PDE5A: variants seen among roughly 807,000 people sequenced by gnomAD.
The protein encoded by PDE5A is cGMP-specific 3',5'-cyclic phosphodiesterase.
In PDE5A, 67 loss-of-function variants were observed where a neutral mutation model predicts 110.2. The ratio of observed to expected loss-of-function variants is 0.61; its 90% CI spans 0.50 to 0.75. The LOEUF (loss-of-function observed/expected upper bound fraction) is 0.75, where lower values mean the gene tolerates loss of function less well. Ranked by LOEUF, PDE5A falls within the 30% of genes least tolerant of loss-of-function variation. PDE5A has a pLI of 0.00. For missense variants in PDE5A, 862 were observed against 1,045.1 expected (o/e 0.82, Z 2.42); for synonymous variants, 328 against 351.2 (o/e 0.93, Z 0.74).
intron 13 of PDE5A, 142 bp from the exon 14 acceptor site, chr4:119,519,281 A>G: frequency 1.7e-6 from 1 of 594,656 alleles, no homozygotes; most frequent in East Asian, 2.8e-5. Context: ...GACTAACCCT[A>G]GAATCCTATT....
chr4:119,612,567 A>G (rs1729795159), intron 1 of PDE5A, among the ~76,000 whole-genome samples: 1 of 152,030 alleles, frequency 6.6e-6, no homozygotes, highest in Admixed American at 6.6e-5. Context: ...AGCCAATTAA[A>G]CCTCTTTTCT....
intron 9 of PDE5A, among the ~76,000 whole-genome samples, chr4:119,551,053 G>A (rs945098390): frequency 6.6e-6 from 1 of 152,128 alleles, no homozygotes; most frequent in Non-Finnish European, 1.5e-5. Context: ...TGGTTTCTAA[G>A]CGGCTTTAAT....
intron 1 of PDE5A, among the ~76,000 whole-genome samples, chr4:119,616,715 G>T (rs941964502): frequency 2.1e-5 from 3 of 144,402 alleles, no homozygotes; most frequent in Admixed American, 7.3e-5. Context: ...TAATACAAAG[G>T]GATGAACAAA....
chr4:119,524,109 A>G (rs113876853), intron 12 of PDE5A, among the ~76,000 whole-genome samples: 1 of 152,166 alleles, frequency 6.6e-6, no homozygotes, highest in East Asian at 1.9e-4. Context: ...AAGTACATAC[A>G]TACACATGCA....
rs1379819024 is a variant in PDE5A at position 119,510,964 on chromosome 4, G to C, written c.2088+83C>G. On this transcript the variant is annotated intron_variant, in intron 15 of 20. Transcript: ENST00000354960. Reference sequence around the variant, plus strand: ...AGTATGTGCAAGAATTTATGATGCTGGGAATAAATCCAAGAACTAAAAATA... The same window carrying C: ...AGTATGTGCAAGAATTTATGATGCTCGGAATAAATCCAAGAACTAAAAATA... 3 of 901,618 alleles carry C rather than the reference G, an allele frequency of 3.3e-6. No homozygotes were observed. The Admixed American group carries it at 6.5e-5, about 20-fold the overall frequency. The allele number at this position is 901,618 out of a possible 1,614,324, so 55.9% of individuals were successfully genotyped here. A position where few individuals can be genotyped will look rare whatever the true frequency, so the allele number is the denominator to read the frequency against.
Position 119,627,933 on chromosome 4 carries a change from G to A in PDE5A, c.152+587C>T, listed in dbSNP as rs1030090844. 2.4e-5 allele frequency: 12 copies of A among 507,196 alleles called. No homozygotes were observed. The highest frequency in any genetic ancestry group is 8.3e-5 in the South Asian group (1 of 12,028). 31.4% of individuals were successfully genotyped at this position (507,196 alleles called of 1,614,324 possible). Reference sequence around the variant, plus strand: ...GGCACAGCCTTCGGCGGAAAAGCGAGTGAAAGGAGGCGCGCGGGACAAGCA... The same window carrying A: ...GGCACAGCCTTCGGCGGAAAAGCGAATGAAAGGAGGCGCGCGGGACAAGCA... On this transcript the variant is annotated intron_variant, in intron 1 of 20. Transcript: ENST00000354960. The surrounding 1 kb of genome is among the most constrained non-coding windows in gnomAD (Gnocchi z 4.6).
Position 119,607,040 on chromosome 4 carries a change from G to T in PDE5A, c.410C>A (p.Thr137Asn), listed in dbSNP as rs144279361. ...TTCATCATGATCAAACCTTGGAGGG[G>T]TTAGAGGCATCTGTTCCTTCTTTTC... ...DSEKKEQMPL[T>N]PPRFDHDEGD... Residue 137 changes from threonine (T) to asparagine (N), a missense_variant, in exon 2 of 21, where the codon ACC (threonine) becomes AAC (asparagine). Thr to Asn is a moderately conservative substitution (Grantham distance 65). Transcript: ENST00000354960. 27 of 1,614,072 alleles carry T rather than the reference G, an allele frequency of 1.7e-5. No individual in the cohort carries two copies. The highest frequency in any genetic ancestry group is 1.2e-4 in the Admixed American group (7 of 60,002).
At chr4:119,508,756 T>G (rs1261981261) in intron 15 of PDE5A, among the ~76,000 whole-genome samples, 2 of 151,986 alleles carry the variant, frequency 1.3e-5, no homozygotes, top group Admixed American at 6.6e-5. Flanking sequence ...CAATTTCAAG[T>G]GGAAGATGAA....
chr4:119,579,997 ATTT>A (rs1402493518), intron 3 of PDE5A, among the ~76,000 whole-genome samples: 1 of 152,158 alleles, frequency 6.6e-6, no homozygotes. Context: ...AGTCCTGATC[ATTT>A]GTTCTGTGCT....
intron 9 of PDE5A, 58 bp downstream of exon 9, chr4:119,552,492 A>G: frequency 1.7e-6 from 1 of 600,100 alleles, no homozygotes; most frequent in South Asian, 3.5e-5. Flanking sequence ...AAAGAAGTAT[A>G]GCTGGGAATA....
At chr4:119,503,846 C>G (rs1725460346) in intron 18 of PDE5A, among the ~76,000 whole-genome samples, 1 of 152,008 alleles carries the variant, frequency 6.6e-6, no homozygotes, top group South Asian at 2.1e-4. Context: ...AAAGAAAAGC[C>G]TTTGTATGTC....
intron 3 of PDE5A, chr4:119,569,629 CATAAA>C (rs1317197879): frequency 6.6e-6 from 1 of 152,204 alleles, no homozygotes; most frequent in African/African-American, 2.4e-5. Flanking sequence ...ATAAAAATAA[CATAAA>C]ATAAATATAG....
chr4:119,588,171 T>A (rs1728831762), intron 3 of PDE5A, among the ~76,000 whole-genome samples: 2 of 67,726 alleles, frequency 3.0e-5, no homozygotes, highest in Admixed American at 3.0e-4. Flanking sequence ...CAATTTTTTC[T>A]TTTTTTTTTT....
rs538205638 is a variant in PDE5A at position 119,597,223 on chromosome 4, TAAAG to T, written c.742-615_742-612del. Among the ~76,000 whole-genome samples, 573 of 152,036 alleles carry T rather than the reference TAAAG, an allele frequency of 3.8e-3. 6 individuals carry two copies. Among genetic ancestry groups the T allele is most frequent in the East Asian group, 4.1e-3 (21 of 5,178 alleles). ...AGGTGTTAAATTTCTAAGTATGAAT[TAAAG>T]AAACAAAGGTAAAGTTTAATTTTCC... On this transcript the variant is annotated intron_variant, in intron 2 of 20. Transcript: ENST00000354960.
At chr4:119,628,387 TGAGG>T in intron 1 of PDE5A, 129 bp downstream of exon 1, 1 of 629,658 alleles carries the variant, frequency 1.6e-6, no homozygotes, top group Non-Finnish European at 2.7e-6. Context: ...CGCTTAGAGT[TGAGG>T]TTTCTACCTC....
chr4:119,587,942 T>C (rs1318910352), intron 3 of PDE5A, among the ~76,000 whole-genome samples: 1 of 152,186 alleles, frequency 6.6e-6, no homozygotes, highest in Middle Eastern at 3.2e-3. Context: ...CCACACTCCA[T>C]GGAGATCAAG....
At chr4:119,540,030 G>T (rs1726871284) in intron 10 of PDE5A, among the ~76,000 whole-genome samples, 1 of 152,036 alleles carries the variant, frequency 6.6e-6, no homozygotes, top group Admixed American at 6.6e-5. Flanking sequence ...TCATGTAAGG[G>T]TTACCCAAAC....
At chr4:119,596,871 G>GA (rs1175926851) in intron 2 of PDE5A, among the ~76,000 whole-genome samples, 1 of 151,966 alleles carries the variant, frequency 6.6e-6, no homozygotes, top group Non-Finnish European at 1.5e-5. Flanking sequence ...CAGAAATAAA[G>GA]AAAATTCAAA....
chr4:119,601,086 T>C (rs886402455), intron 2 of PDE5A, among the ~76,000 whole-genome samples: 2 of 152,140 alleles, frequency 1.3e-5, no homozygotes, highest in South Asian at 2.1e-4. Context: ...TGGGATTTCT[T>C]GAGTGATACT....
Sources: gnomAD v4.1 joint callset for allele counts (sites outside exome capture counted in the v4.1 genomes callset) on GRCh38, gnomAD v4.1.1 for gene constraint, Gnocchi (gnomAD v3.1) non-coding constraint, MANE v1.5 for transcripts, NCBI Gene and HGNC (gene_info 2026-07-23, HGNC 2026-07-21) for gene names.